STXBP5L: variants seen among roughly 807,000 people sequenced by gnomAD.
STXBP5L encodes the protein syntaxin-binding protein 5-like.
A neutral mutation model predicts 144.5 loss-of-function variants in STXBP5L; 65 were observed. The ratio of observed to expected loss-of-function variants is 0.45; its 90% CI spans 0.37 to 0.55. The LOEUF (loss-of-function observed/expected upper bound fraction) is 0.55, where lower values mean the gene tolerates loss of function less well. Among genes scored for constraint, STXBP5L ranks in the 20% least tolerant of loss-of-function variants. The pLI is 0.00. For synonymous variants in STXBP5L, 505 were observed against 469.6 expected (o/e 1.08, Z -0.97); for missense variants, 1,298 against 1,405.5 (o/e 0.92, Z 1.22).
At chr3:121,049,522 G>A (rs1348167622) in intron 5 of STXBP5L, 2 of 154,200 alleles carry the variant, frequency 1.3e-5, no homozygotes, top group Admixed American at 6.5e-5. Flanking sequence ...AGGGCAAACA[G>A]GAGGGAGGGT....
At chr3:120,985,603 G>A (rs1183520126) in intron 3 of STXBP5L, among the ~76,000 whole-genome samples, 4 of 151,600 alleles carry the variant, frequency 2.6e-5, no homozygotes, top group Non-Finnish European at 5.9e-5. Flanking sequence ...TTTCTTTATT[G>A]TTGTAGGTCT....
intron 14 of STXBP5L, among the ~76,000 whole-genome samples, chr3:121,245,986 T>G (rs1009581244): frequency 2.6e-5 from 4 of 152,070 alleles, no homozygotes; most frequent in African/African-American, 9.7e-5. Flanking sequence ...AGAAAAATAT[T>G]CTCCTTAAGC....
intron 20 of STXBP5L, among the ~76,000 whole-genome samples, chr3:121,375,420 G>T (rs1009529855): frequency 6.6e-6 from 1 of 152,120 alleles, no homozygotes; most frequent in Admixed American, 6.5e-5. Flanking sequence ...ACCTGACCCT[G>T]TAGTCAAATG....
intron 3 of STXBP5L, among the ~76,000 whole-genome samples, chr3:121,000,013 CT>C (rs1452782197): frequency 1.3e-5 from 2 of 152,098 alleles, no homozygotes; most frequent in African/African-American, 4.8e-5. Context: ...TTTAGGTGAC[CT>C]CCCCTTCTCT....
intron 2 of STXBP5L, among the ~76,000 whole-genome samples, chr3:120,912,393 T>G (rs1559866966): frequency 6.6e-6 from 1 of 151,978 alleles, no homozygotes; most frequent in East Asian, 1.9e-4. Flanking sequence ...TGGCAACTCA[T>G]GGGCACACAT....
At chr3:121,054,882 G>A (rs1948336812) in intron 5 of STXBP5L, among the ~76,000 whole-genome samples, 1 of 148,900 alleles carries the variant, frequency 6.7e-6, no homozygotes, top group Non-Finnish European at 1.5e-5. Flanking sequence ...AGATCTGACT[G>A]TATACTTTTA....
chr3:121,028,608 G>C (rs761171883), intron 3 of STXBP5L, among the ~76,000 whole-genome samples: 5 of 151,988 alleles, frequency 3.3e-5, no homozygotes, highest in Non-Finnish European at 7.4e-5. Flanking sequence ...TATATTTACA[G>C]TCAGTTTTCA....
At chr3:121,310,115 C>A (rs1330004828) in intron 19 of STXBP5L, among the ~76,000 whole-genome samples, 1 of 152,064 alleles carries the variant, frequency 6.6e-6, no homozygotes, top group Admixed American at 6.6e-5. Flanking sequence ...ACTGGGCAAA[C>A]AAATAGGAGA....
chr3:121,186,505 CAT>C, intron 9 of STXBP5L, among the ~76,000 whole-genome samples: 1 of 151,260 alleles, frequency 6.6e-6, no homozygotes, highest in East Asian at 2.0e-4. Context: ...TAGCATGAAG[CAT>C]TGTTGAATTT....
Position 121,257,264 on chromosome 3 carries a change from G to C in STXBP5L, c.1763G>C (p.Arg588Thr). 6.2e-7 allele frequency: 1 copy of C among 1,613,816 alleles called. No homozygotes were observed. ...PDLSAQLPSS[R>T]SLSGSTNTVA... is the part of the protein sequence containing the mutation. ...CTCTCAGCCCAGCTTCCTTCTTCAA[G>C]GAGTCTTTCTGGGAGCACTAACACT... Residue 588 changes from arginine to threonine, a missense_variant, in exon 17 of 27, where the codon AGG becomes ACG. Transcript: ENST00000471454.
rs1350717903 is a variant in STXBP5L, at chr3:120,920,888, T to C, written c.189+11121T>C. On this transcript the variant is annotated intron_variant, in intron 2 of 26. Transcript: ENST00000471454. ...CATATTTTCTTTATCCATTCATTCA[T>C]TGATGGGCACTTGGGTTGATTTTAT... Among the ~76,000 whole-genome samples the C allele has an allele frequency of 2.0e-5, 3 of 151,980 alleles. No homozygotes were observed. In the East Asian group the frequency reaches 5.8e-4, roughly 29 times the overall value.
At chr3:121,361,986 TG>T (rs1472484701) in intron 20 of STXBP5L, among the ~76,000 whole-genome samples, 1 of 152,242 alleles carries the variant, frequency 6.6e-6, no homozygotes, top group Non-Finnish European at 1.5e-5. Flanking sequence ...TGATCTAAGC[TG>T]TATCTGCTTT....
At chr3:121,049,674 G>A (rs1230935817) in intron 5 of STXBP5L, 1 of 154,084 alleles carries the variant, frequency 6.5e-6, no homozygotes, top group African/African-American at 2.4e-5. Context: ...GTGCTGCAGA[G>A]ACGAGGCCTG....
intron 9 of STXBP5L, among the ~76,000 whole-genome samples, chr3:121,183,379 T>G (rs2047235854): frequency 6.6e-6 from 1 of 152,154 alleles, no homozygotes; most frequent in South Asian, 2.1e-4. Context: ...GATATGATTG[T>G]ATACCTAGAA....
chr3:121,040,329 G>A (rs1455528173), intron 3 of STXBP5L, among the ~76,000 whole-genome samples: 1 of 152,038 alleles, frequency 6.6e-6, no homozygotes, highest in Non-Finnish European at 1.5e-5. Context: ...CTTTATCTTA[G>A]GGAGGAATTT....
At chr3:121,099,427 C>G (rs557952464) in intron 5 of STXBP5L, 1 of 152,162 alleles carries the variant, frequency 6.6e-6, no homozygotes, top group Non-Finnish European at 1.5e-5. Context: ...GAGTGGAGTT[C>G]TTCAAGAAGC....
At chr3:121,286,745 C>T (rs1291934788) in intron 19 of STXBP5L, among the ~76,000 whole-genome samples, 2 of 152,010 alleles carry the variant, frequency 1.3e-5, no homozygotes, top group African/African-American at 4.8e-5. Flanking sequence ...GATTTAACCT[C>T]CTGCCTGAAA....
intron 5 of STXBP5L, among the ~76,000 whole-genome samples, chr3:121,090,878 C>A (rs975344138): frequency 2.6e-5 from 4 of 151,834 alleles, no homozygotes; most frequent in South Asian, 2.1e-4. Flanking sequence ...GCTGCACCCA[C>A]TAACGTGTCA....
chr3:121,357,239 A>G, intron 20 of STXBP5L: 2 of 217,446 alleles, frequency 9.2e-6, no homozygotes, highest in Non-Finnish European at 1.0e-5. Context: ...TGATCCTGAG[A>G]ATTGATCATG....
Sources: gnomAD v4.1 joint callset for allele counts (sites outside exome capture counted in the v4.1 genomes callset) on GRCh38, gnomAD v4.1.1 for gene constraint, MANE v1.5 for transcripts, NCBI Gene and HGNC (gene_info 2026-07-23, HGNC 2026-07-21) for gene names.